GCN1: variants seen among roughly 807,000 people sequenced by gnomAD.
The protein encoded by GCN1 is stalled ribosome sensor GCN1.
In GCN1, 90 loss-of-function variants were observed where a neutral mutation model predicts 288.4. The ratio of observed to expected loss-of-function variants is 0.31; its 90% confidence interval spans 0.26 to 0.37. GCN1 has a LOEUF of 0.37. Ranked by LOEUF, GCN1 falls within the 10% of genes least tolerant of loss-of-function variation. GCN1 has a pLI of 1.00. For synonymous variants in GCN1, 1,386 were observed against 1,420.2 expected, an observed-to-expected ratio of 0.98 and a Z score of 0.54; for missense variants, 2,586 against 3,419.9, an observed-to-expected ratio of 0.76 and a Z score of 6.08.
rs777666971 is a variant in GCN1, at chr12:120,173,800, C to T, written c.1219G>A (p.Val407Ile). ...TTACACCAGAGAGCCAGGACTGAGA[C>T]AGCGTGTACCAAGGTCCCTTCATGA... Reference protein sequence around the residue: ...EVHEGTLVHAVSVLALWCNRF... With the variant: ...EVHEGTLVHAISVLALWCNRF... The change falls in exon 14 of 58, where the codon GTC becomes ATC. Residue 407 changes from valine to isoleucine, a missense_variant. Physicochemically the swap from Val to Ile is conservative, Grantham distance 29. This residue lies in a region of GCN1 where 913 missense variants were observed against 1,107.0 expected (regional missense o/e 0.82). Transcript: ENST00000300648. The T allele has an allele frequency of 6.8e-5, 109 of 1,613,882 alleles. No homozygotes were observed. Among genetic ancestry groups the T allele is most frequent in the African/African-American group, 1.3e-4 (10 of 74,928 alleles).
At chr12:120,189,631 T>C (rs1198699212) in intron 2 of GCN1, among the ~76,000 whole-genome samples, 1 of 150,520 alleles carries the variant, frequency 6.6e-6, no homozygotes, top group African/African-American at 2.4e-5. Flanking sequence ...CCTCCCAAAG[T>C]GCTGGGATTA....
rs965456735 is a variant in GCN1, at chr12:120,140,355, C to T, written c.5994+504G>A. Among the ~76,000 whole-genome samples, 8 of 152,166 alleles carry T rather than the reference C, an allele frequency of 5.3e-5. No homozygotes were observed. In the East Asian group the frequency reaches 5.8e-4, roughly 11 times the overall value. On this transcript the variant is annotated intron_variant, in intron 45 of 57. Transcript: ENST00000300648. The stretch of plus-strand genomic sequence containing the variant: ...AGTAATGGACTTCACACCCCTTGAA[C>T]GTTGCTGCTATGGAAACAGTATTGT...
rs576199395 is a variant in GCN1, at chr12:120,149,508, G to A, written c.4546+98C>T. The A allele has an allele frequency of 1.5e-4, 119 of 808,224 alleles. No homozygotes were observed. The African/African-American group carries it at 1.9e-3, about 13-fold the overall frequency. The allele number at this position is 808,224 out of a possible 1,614,324, so 50.1% of individuals were successfully genotyped here. ...AGTCTTAACCCTATCCCTGGTCTGG[G>A]GAGCTCACAGGACAAGAGCTGTGGC... On this transcript the variant is annotated intron_variant, in intron 36 of 57. Transcript: ENST00000300648.
chr12:120,148,729 A>G (rs545336017), intron 36 of GCN1, among the ~76,000 whole-genome samples: 9 of 152,320 alleles, frequency 5.9e-5, no homozygotes, highest in Non-Finnish European at 1.0e-4. Context: ...AAGGACTGAG[A>G]AGGAGGTTGA....
rs778050538 is a variant in GCN1, at chr12:120,175,721, C to G, written c.1042+25G>C. 4.4e-6 allele frequency: 7 copies of G among 1,601,302 alleles called. No homozygotes were observed. In the South Asian group the frequency reaches 4.5e-5, roughly 10 times the overall value. On this transcript the variant is annotated intron_variant, in intron 11 of 57. Transcript: ENST00000300648. Reference sequence around the variant, plus strand: ...TACCAGGGGCCACGCCTCAACCACCCGCATGGCCAAGAAGGCTTGCTCACC... The same window carrying G: ...TACCAGGGGCCACGCCTCAACCACCGGCATGGCCAAGAAGGCTTGCTCACC...
At chr12:120,187,207 G>T (rs1020481185) in intron 2 of GCN1, among the ~76,000 whole-genome samples, 57 of 151,328 alleles carry the variant, frequency 3.8e-4, no homozygotes, top group African/African-American at 1.3e-3. Context: ...ATATGGCCAT[G>T]ATTTTCTTTT....
chr12:120,153,666 G>A lies in GCN1; in HGVS notation c.3867+78C>T, dbSNP rs150449692. The A allele has an allele frequency of 1.6e-5, 23 of 1,395,878 alleles. 1 individual carries two copies. Among genetic ancestry groups the A allele is most frequent in the South Asian group, 7.6e-5 (6 of 79,222 alleles). 86.5% of individuals were successfully genotyped at this position (1,395,878 alleles called of 1,614,324 possible). Reference sequence around the variant, plus strand: ...TTTCTGGCCCCTGCTCAGCCCTAGCGCCTGCCTCCCGTGTCTCCTTAGCGG... The same window carrying A: ...TTTCTGGCCCCTGCTCAGCCCTAGCACCTGCCTCCCGTGTCTCCTTAGCGG... On this transcript the variant is annotated intron_variant, in intron 32 of 57. Coordinates refer to ENST00000300648, the MANE Select transcript of GCN1 (RefSeq NM_006836.2). The surrounding 1 kb of genome is among the most constrained non-coding windows in gnomAD (Gnocchi z 4.4).
chr12:120,172,409 C>T (rs1161438208), intron 14 of GCN1, among the ~76,000 whole-genome samples: 1 of 152,158 alleles, frequency 6.6e-6, no homozygotes. Context: ...ATTCTTCTTC[C>T]CTTATCATTA....
At position 120,134,356 on chromosome 12, in the gene GCN1, T is replaced by C. The variant is rs777149483; in HGVS notation, c.7252A>G (p.Lys2418Glu). ...LRFVIQGAGA[K>E]VDAVIRKNIV... ...TTTTTCCGGATGACGGCATCCACTT[T>C]GGCCCCTGCTCCCTGAATCACAAAC... The change falls in exon 53 of 58, where the codon AAA becomes GAA. Residue 2418 changes from lysine (K) to glutamate (E), a missense_variant. By Grantham distance (56) the Lys-to-Glu change is moderately conservative. Coordinates refer to ENST00000300648, the MANE Select transcript of GCN1 (RefSeq NM_006836.2). This position sits in a 1 kb window ranked among gnomAD's most constrained non-coding sequence, Gnocchi z 5.0. The C allele has an allele frequency of 6.2e-7, 1 of 1,614,120 alleles. No individual in the cohort carries two copies. The highest frequency in any genetic ancestry group is 8.5e-7 in the Non-Finnish European group (1 of 1,180,004).
At position 120,145,325 on chromosome 12, in the gene GCN1, C is replaced by T; in HGVS notation, c.4953G>A (p.Leu1651=). ...GCGTCACGCTGGGCAGGTACGGAGC[C>T]AAGTCCTGCAACAACACAGGAGGCG... ...NMYSLTDQKD[L]APYLPSVTPG... The change falls in exon 39 of 58, where the codon TTG becomes TTA. Residue 1651 remains leucine, a synonymous_variant. Coordinates refer to ENST00000300648, the MANE Select transcript of GCN1 (RefSeq NM_006836.2). 6.3e-7 allele frequency: 1 copy of T among 1,581,520 alleles called. No homozygotes were observed. The highest frequency in any genetic ancestry group is 8.6e-7 in the Non-Finnish European group (1 of 1,164,476).
chr12:120,164,556 A>T (rs1224829567), intron 17 of GCN1, 61 bp from the exon 18 acceptor site: 1 of 1,598,248 alleles, frequency 6.3e-7, no homozygotes, highest in African/African-American at 1.3e-5. Context: ...TCCACAGCCA[A>T]CCCTTCCACC....
Position 120,137,194 on chromosome 12 carries a change from G to A in GCN1, c.6777+12C>T, listed in dbSNP as rs779915142. ...GCACGCCCACAGCCCCCTGCACGAG[G>A]CCCTGGCTTACCTTCTTCGGGAGGC... is the stretch of plus-strand genomic sequence containing the variant. On this transcript the variant is annotated intron_variant, in intron 50 of 57. Coordinates refer to ENST00000300648, the MANE Select transcript of GCN1 (RefSeq NM_006836.2). This position sits in a 1 kb window ranked among gnomAD's most constrained non-coding sequence, Gnocchi z 5.2. 2.0e-5 allele frequency: 32 copies of A among 1,595,164 alleles called. No individual in the cohort carries two copies. The highest frequency in any genetic ancestry group is 1.1e-4 in the South Asian group (10 of 90,720).
At chr12:120,161,758 G>A (rs1877939051) in intron 21 of GCN1, 122 bp downstream of exon 21, 18 of 1,041,620 alleles carry the variant, frequency 1.7e-5, no homozygotes, top group Admixed American at 3.9e-5. Context: ...CACAACAGGC[G>A]CTTAGCCAAT....
intron 36 of GCN1, among the ~76,000 whole-genome samples, chr12:120,148,921 G>A (rs928449378): frequency 6.6e-6 from 1 of 152,032 alleles, no homozygotes; most frequent in Non-Finnish European, 1.5e-5. Flanking sequence ...CAGGGCTCAA[G>A]TGATCCTTCC....
chr12:120,144,206 G>C lies in GCN1; in HGVS notation c.5495+100C>G. 7.4e-7 allele frequency: 1 copy of C among 1,358,716 alleles called. No homozygotes were observed. The allele number at this position is 1,358,716 out of a possible 1,614,324, so 84.2% of individuals were successfully genotyped here. ...GCCAGGGCTCATCGTAAACTCCTGG[G>C]TTTAAGCAATCCTCCTGCCTCGGCT... On this transcript the variant is annotated intron_variant, in intron 42 of 57. Transcript: ENST00000300648. The surrounding 1 kb of genome is among the most constrained non-coding windows in gnomAD (Gnocchi z 4.7).
At chr12:120,151,004 CTGGG>C (rs1385542830) in intron 34 of GCN1, 137 bp downstream of exon 34, 1 of 876,732 alleles carries the variant, frequency 1.1e-6, no homozygotes, top group Non-Finnish European at 1.8e-6. Flanking sequence ...CGCAGCTGGA[CTGGG>C]TCGCACACAG....
At chr12:120,185,579 G>T (rs1878794565) in intron 2 of GCN1, among the ~76,000 whole-genome samples, 1 of 152,182 alleles carries the variant, frequency 6.6e-6, no homozygotes, top group Admixed American at 6.5e-5. Context: ...ATCCATGTAA[G>T]GTGGGCAGTG....
At chr12:120,150,064 A>G in intron 34 of GCN1, 21 bp from the exon 35 acceptor site, 8 of 1,612,914 alleles carry the variant, frequency 5.0e-6, no homozygotes, top group African/African-American at 1.3e-5. Context: ...AGAAGGTGGG[A>G]CGGCTGGGAA....
intron 55 of GCN1, 25 bp downstream of exon 55, chr12:120,131,160 A>G: frequency 6.2e-7 from 1 of 1,611,336 alleles, no homozygotes; most frequent in Non-Finnish European, 8.5e-7. Flanking sequence ...GCCTATGCCT[A>G]TGGGATATGG....
Sources: gnomAD v4.1 joint callset for allele counts (sites outside exome capture counted in the v4.1 genomes callset) on GRCh38, gnomAD v4.1.1 for gene constraint, gnomAD v4.1.1 regional missense constraint, Gnocchi (gnomAD v3.1) non-coding constraint, MANE v1.5 for transcripts, NCBI Gene and HGNC (gene_info 2026-07-23, HGNC 2026-07-21) for gene names.